The following IFT80 variants were observed in gnomAD, a reference collection of about 807,000 sequenced individuals.
The protein encoded by IFT80 is intraflagellar transport 80, also known as intraflagellar transport protein 80 homolog.
A neutral mutation model predicts 107.9 loss-of-function variants in IFT80; 79 were observed. That is an observed-to-expected ratio of 0.73 (90% CI 0.61 to 0.88). The LOEUF is 0.88. Ranked by LOEUF, IFT80 falls within the 40% of genes least tolerant of loss-of-function variation. The probability of loss-of-function intolerance (pLI) is 0.00; values close to 1 mark genes in which losing one functional copy is unlikely to be tolerated. For missense variants in IFT80, 797 were observed against 914.2 expected (o/e 0.87, Z 1.65); for synonymous variants, 299 against 300.9 (o/e 0.99, Z 0.07).
At chr3:160,372,254 C>A (rs1711585019) in intron 5 of IFT80, among the ~76,000 whole-genome samples, 1 of 152,174 alleles carries the variant, frequency 6.6e-6, no homozygotes, top group Non-Finnish European at 1.5e-5. Flanking sequence ...TATATTATTT[C>A]ATTTTTGTGT....
intron 13 of IFT80, among the ~76,000 whole-genome samples, chr3:160,284,275 G>A (rs1015714608): frequency 1.3e-5 from 2 of 151,958 alleles, no homozygotes; most frequent in Non-Finnish European, 2.9e-5. Context: ...TATAGAAAGA[G>A]TTATAACATT....
At chr3:160,347,151 T>TAC (rs1176905551) in intron 8 of IFT80, among the ~76,000 whole-genome samples, 5 of 151,988 alleles carry the variant, frequency 3.3e-5, no homozygotes, top group Non-Finnish European at 7.4e-5. Flanking sequence ...CACCACCCAA[T>TAC]ACACACACAC....
chr3:160,364,790 G>T (rs1290535063), intron 6 of IFT80, among the ~76,000 whole-genome samples: 1 of 152,080 alleles, frequency 6.6e-6, no homozygotes, highest in East Asian at 1.9e-4. Context: ...CTCATAGGTG[G>T]GAACTGAACA....
At chr3:160,331,382 A>C (rs191542891) in intron 8 of IFT80, among the ~76,000 whole-genome samples, 1 of 152,320 alleles carries the variant, frequency 6.6e-6, no homozygotes. Context: ...AAACTTATGC[A>C]TTCTTTTCTC....
chr3:160,366,968 C>A (rs1419163608), intron 5 of IFT80, among the ~76,000 whole-genome samples: 1 of 152,038 alleles, frequency 6.6e-6, no homozygotes, highest in East Asian at 1.9e-4. Context: ...TTCTCTCCAT[C>A]TCCATGGGTT....
At chr3:160,268,667 T>C (rs1231120459) in intron 18 of IFT80, 131 bp from the exon 19 acceptor site, 2 of 889,116 alleles carry the variant, frequency 2.2e-6, no homozygotes, top group African/African-American at 3.3e-5. Flanking sequence ...TACCATTTTC[T>C]ACCTCATCCA....
chr3:160,370,145 G>A (rs780794186), intron 5 of IFT80, among the ~76,000 whole-genome samples: 5 of 152,018 alleles, frequency 3.3e-5, no homozygotes, highest in African/African-American at 4.8e-5. Flanking sequence ...CCCTAAAAAC[G>A]CTGTTTTTGT....
chr3:160,324,558 G>C (rs1267958539), intron 8 of IFT80, among the ~76,000 whole-genome samples: 1 of 151,996 alleles, frequency 6.6e-6, no homozygotes, highest in Admixed American at 6.6e-5. Flanking sequence ...ATGCAGAAAA[G>C]GCCTTTGACA....
At chr3:160,382,806 T>C (rs747516061) in intron 2 of IFT80, among the ~76,000 whole-genome samples, 17 of 152,200 alleles carry the variant, frequency 1.1e-4, no homozygotes, top group Non-Finnish European at 2.4e-4. Flanking sequence ...TATTCTAGGA[T>C]GTTCCAAGAT....
intron 5 of IFT80, among the ~76,000 whole-genome samples, chr3:160,370,318 T>C (rs1322630075): frequency 6.6e-6 from 1 of 152,120 alleles, no homozygotes; most frequent in African/African-American, 2.4e-5. Flanking sequence ...CTACTACAAA[T>C]TATTTTGTAA....
chr3:160,392,522 C>G (rs1278987865), intron 1 of IFT80, among the ~76,000 whole-genome samples: 1 of 152,242 alleles, frequency 6.6e-6, no homozygotes, highest in Admixed American at 6.5e-5. Context: ...TGGTAAATGG[C>G]AATTCCATTC....
At chr3:160,371,535 C>T (rs1299924234) in intron 5 of IFT80, among the ~76,000 whole-genome samples, 3 of 152,118 alleles carry the variant, frequency 2.0e-5, no homozygotes, top group Non-Finnish European at 4.4e-5. Context: ...CCAACGCCCA[C>T]GGGCTCAGAT....
intron 6 of IFT80, among the ~76,000 whole-genome samples, chr3:160,358,918 G>A (rs1721294469): frequency 6.6e-6 from 1 of 152,096 alleles, no homozygotes; most frequent in Non-Finnish European, 1.5e-5. Flanking sequence ...ACCTACCACA[G>A]TGCCTGGTAT....
chr3:160,307,693 A>C lies in IFT80; in HGVS notation c.1046T>G (p.Val349Gly). Reference protein sequence around the residue: ...KASLNYAHLVVSTSLQCYVFS... With the variant: ...KASLNYAHLVGSTSLQCYVFS... ...CACGTAACATTGAAGAGACGTTGAAACAACTAAGTGTGCATAGTTCAAAGA... is the reference window on the plus strand; with the variant it reads ...CACGTAACATTGAAGAGACGTTGAACCAACTAAGTGTGCATAGTTCAAAGA... Residue 349 changes from valine (V) to glycine (G), a missense_variant, in exon 10 of 20, where the codon GTT (valine) becomes GGT (glycine). Transcript: ENST00000326448. 1 of 1,588,858 alleles carries C rather than the reference A, an allele frequency of 6.3e-7. No homozygotes were observed. Among genetic ancestry groups the C allele is most frequent in the South Asian group, 1.1e-5 (1 of 90,584 alleles).
chr3:160,370,375 A>ATTTT (rs200660321), intron 5 of IFT80, among the ~76,000 whole-genome samples: 2 of 146,668 alleles, frequency 1.4e-5, no homozygotes, highest in Non-Finnish European at 3.0e-5. Context: ...TAGCCATTTG[A>ATTTT]TTTTTTTTTT....
intron 9 of IFT80, among the ~76,000 whole-genome samples, chr3:160,310,517 T>G (rs1244981882): frequency 6.6e-6 from 1 of 152,220 alleles, no homozygotes; most frequent in Non-Finnish European, 1.5e-5. Flanking sequence ...CAAAGTCTTT[T>G]ATAGGAGAAT....
Position 160,303,542 on chromosome 3 carries a change from T to C in IFT80, c.1151+373A>G, listed in dbSNP as rs556258253. Among the ~76,000 whole-genome samples the C allele has an allele frequency of 3.9e-5, 6 of 152,308 alleles. No homozygotes were observed. In the East Asian group the frequency reaches 1.2e-3, roughly 29 times the overall value. Reference sequence around the variant, plus strand: ...GAGGTAAAAACTCTTTAATAGTTATTTACCTGTGTTGCTCTCATTCTCTCA... The same window carrying C: ...GAGGTAAAAACTCTTTAATAGTTATCTACCTGTGTTGCTCTCATTCTCTCA... On this transcript the variant is annotated intron_variant, in intron 11 of 19. Transcript: ENST00000326448.
chr3:160,380,074 C>T (rs1576896138), intron 3 of IFT80, among the ~76,000 whole-genome samples: 1 of 150,814 alleles, frequency 6.6e-6, no homozygotes, highest in African/African-American at 2.4e-5. Context: ...TGCTCTGTGC[C>T]CAGGATAGAG....
intron 9 of IFT80, among the ~76,000 whole-genome samples, chr3:160,315,915 A>G (rs574602943): frequency 6.6e-6 from 1 of 152,276 alleles, no homozygotes; most frequent in South Asian, 2.1e-4. Flanking sequence ...AATCATATGT[A>G]TAAGAGTAGG....
Sources: allele counts gnomAD v4.1 joint callset (sites outside exome capture counted in the v4.1 genomes callset), GRCh38; gene constraint gnomAD v4.1.1; transcripts MANE v1.5; gene names NCBI Gene and HGNC (gene_info 2026-07-23, HGNC 2026-07-21).